SLX4IP: variants seen among roughly 807,000 people sequenced by gnomAD.
SLX4IP encodes SLX4 interacting protein.
Under a neutral mutation model 32.9 loss-of-function variants are expected in SLX4IP, and 34 were observed. That is an observed-to-expected ratio of 1.03 (90% CI 0.79 to 1.38). The LOEUF is 1.38. Ranked by LOEUF, SLX4IP falls within the 40% of genes most tolerant of loss-of-function variation. The probability of loss-of-function intolerance (pLI) is 0.00; values close to 1 mark genes in which losing one functional copy is unlikely to be tolerated. For missense variants in SLX4IP, 444 were observed against 479.0 expected, an observed-to-expected ratio of 0.93 and a Z score of 0.68; for synonymous variants, 172 against 171.7, an observed-to-expected ratio of 1.00 and a Z score of -0.01.
At chr20:10,483,269 G>A (rs1313096240) in intron 2 of SLX4IP, among the ~76,000 whole-genome samples, 2 of 152,136 alleles carry the variant, frequency 1.3e-5, no homozygotes, top group Non-Finnish European at 2.9e-5. Flanking sequence ...ACAGGAGAGT[G>A]CCACCATGCC....
At chr20:10,549,577 G>A (rs1307629266) in intron 2 of SLX4IP, among the ~76,000 whole-genome samples, 1 of 152,246 alleles carries the variant, frequency 6.6e-6, no homozygotes, top group African/African-American at 2.4e-5. Context: ...GCTCCCACAT[G>A]AGGCTGGAAG....
At chr20:10,516,714 T>A (rs1438091198) in intron 2 of SLX4IP, among the ~76,000 whole-genome samples, 1 of 152,220 alleles carries the variant, frequency 6.6e-6, no homozygotes, top group Non-Finnish European at 1.5e-5. Context: ...TGCTGTGATT[T>A]TTTTCAGAAG....
chr20:10,518,404 T>TTTCTTTCTTTCTTTCC (rs369072091), intron 2 of SLX4IP, among the ~76,000 whole-genome samples: 1 of 92,426 alleles, frequency 1.1e-5, no homozygotes, highest in Non-Finnish European at 2.2e-5. Flanking sequence ...TCTTTCTTTC[T>TTTCTTTCTTTCTTTCC]TTCCTTCCTT....
chr20:10,566,284 T>C (rs2066392423), intron 4 of SLX4IP, among the ~76,000 whole-genome samples: 1 of 23,418 alleles, frequency 4.3e-5, no homozygotes, highest in South Asian at 4.7e-3. Flanking sequence ...ACTGATTACA[T>C]TTTTTTTTTT....
chr20:10,601,683 T>G (rs778620343), intron 5 of SLX4IP, 48 bp from the exon 6 acceptor site: 23 of 1,493,734 alleles, frequency 1.5e-5, no homozygotes, highest in Non-Finnish European at 1.0e-5. Context: ...CATTCTGTGT[T>G]TATAGTTTTT....
chr20:10,463,861 G>A (rs970605729), intron 2 of SLX4IP, among the ~76,000 whole-genome samples: 2 of 152,046 alleles, frequency 1.3e-5, no homozygotes, highest in African/African-American at 2.4e-5. Flanking sequence ...AACTCACTGC[G>A]GCCTTGAACT....
At chr20:10,558,426 A>AGTT (rs1472788539) in intron 3 of SLX4IP, among the ~76,000 whole-genome samples, 1 of 151,626 alleles carries the variant, frequency 6.6e-6, no homozygotes, top group African/African-American at 2.4e-5. Flanking sequence ...GAGAAAAGCT[A>AGTT]GTTGAAGAAA....
At chr20:10,543,209 T>A (rs945545752) in intron 2 of SLX4IP, among the ~76,000 whole-genome samples, 5 of 152,332 alleles carry the variant, frequency 3.3e-5, no homozygotes, top group Non-Finnish European at 7.4e-5. Flanking sequence ...AGATTGGATG[T>A]GTAATATGGG....
At chr20:10,460,853 C>T (rs1160441421) in intron 2 of SLX4IP, among the ~76,000 whole-genome samples, 2 of 152,154 alleles carry the variant, frequency 1.3e-5, no homozygotes, top group Non-Finnish European at 2.9e-5. Context: ...TCTTGGTTAT[C>T]TGTCTTTCTT....
intron 6 of SLX4IP, among the ~76,000 whole-genome samples, chr20:10,616,504 C>A (rs1452125798): frequency 7.9e-5 from 12 of 151,922 alleles, no homozygotes; most frequent in Admixed American, 7.9e-4. Context: ...AATATGCCAT[C>A]CTTACAAAAG....
At chr20:10,479,493 C>T (rs1425377541) in intron 2 of SLX4IP, among the ~76,000 whole-genome samples, 1 of 151,296 alleles carries the variant, frequency 6.6e-6, no homozygotes, top group South Asian at 2.1e-4. Flanking sequence ...GCTGAGACTA[C>T]AGGCGTGCAC....
intron 2 of SLX4IP, among the ~76,000 whole-genome samples, chr20:10,535,057 G>A (rs888683992): frequency 2.0e-5 from 3 of 152,128 alleles, no homozygotes; most frequent in South Asian, 4.1e-4. Context: ...GGGTGTGGAG[G>A]CAGGGCATGG....
chr20:10,540,620 CT>C (rs2066096504), intron 2 of SLX4IP, among the ~76,000 whole-genome samples: 1 of 152,200 alleles, frequency 6.6e-6, no homozygotes, highest in African/African-American at 2.4e-5. Context: ...TGATCTTCGG[CT>C]TCTGAAGCCA....
intron 4 of SLX4IP, among the ~76,000 whole-genome samples, chr20:10,591,508 C>T (rs2066709959): frequency 6.6e-6 from 1 of 152,138 alleles, no homozygotes; most frequent in Non-Finnish European, 1.5e-5. Flanking sequence ...TGCAGAGGGG[C>T]CTGCTTGAAC....
intron 2 of SLX4IP, among the ~76,000 whole-genome samples, chr20:10,461,432 G>A (rs1568691680): frequency 6.6e-6 from 1 of 152,244 alleles, no homozygotes; most frequent in Non-Finnish European, 1.5e-5. Flanking sequence ...AATAGGGATA[G>A]GGACAGGGTT....
Position 10,623,551 on chromosome 20 carries a change from C to T in SLX4IP, c.*172C>T, listed in dbSNP as rs148511705. Reference sequence around the variant, plus strand: ...GGTTTGTTTTCAAAGCATTTCAAACCGGGAGGCTATATGCTTGTTCTAACA... The same window carrying T: ...GGTTTGTTTTCAAAGCATTTCAAACTGGGAGGCTATATGCTTGTTCTAACA... On this transcript the variant is annotated 3_prime_UTR_variant, in exon 8 of 8. Transcript: ENST00000334534. The T allele has an allele frequency of 9.8e-5, 95 of 967,162 alleles. No homozygotes were observed. In the African/African-American group the frequency reaches 1.3e-3, roughly 13 times the overall value. 59.9% of individuals were successfully genotyped at this position (967,162 alleles called of 1,614,324 possible).
chr20:10,614,823 G>T (rs1253278212), intron 6 of SLX4IP, among the ~76,000 whole-genome samples: 1 of 152,160 alleles, frequency 6.6e-6, no homozygotes, highest in African/African-American at 2.4e-5. Context: ...TTCTTCCAAA[G>T]TGGTGTTGTC....
At chr20:10,618,496 G>C (rs1258196458) in intron 6 of SLX4IP, among the ~76,000 whole-genome samples, 1 of 152,202 alleles carries the variant, frequency 6.6e-6, no homozygotes, top group Non-Finnish European at 1.5e-5. Flanking sequence ...TTTATTCCTT[G>C]GCCCAAGTGT....
chr20:10,604,501 A>G (rs1305837283), intron 6 of SLX4IP, among the ~76,000 whole-genome samples: 1 of 152,262 alleles, frequency 6.6e-6, no homozygotes, highest in African/African-American at 2.4e-5. Flanking sequence ...CCTGTAGACA[A>G]GGAAGCCAGC....
Sources: allele counts gnomAD v4.1 joint callset (sites outside exome capture counted in the v4.1 genomes callset), GRCh38; gene constraint gnomAD v4.1.1; transcripts MANE v1.5; gene names NCBI Gene and HGNC (gene_info 2026-07-23, HGNC 2026-07-21).